ABCA5: variants seen among roughly 807,000 people sequenced by gnomAD.
The protein encoded by ABCA5 is ATP binding cassette subfamily A member 5.
ABCA5 carries 163 observed loss-of-function variants against 206.0 expected under a neutral mutation model. The ratio of observed to expected loss-of-function variants is 0.79; its 90% CI spans 0.70 to 0.90. The LOEUF is 0.90. Ranked by LOEUF, ABCA5 falls within the 40% of genes least tolerant of loss-of-function variation. The pLI is 0.00. For synonymous variants in ABCA5, 609 were observed against 613.8 expected (o/e 0.99, Z 0.11); for missense variants, 1,859 against 1,912.9 (o/e 0.97, Z 0.53).
In ABCA5 at chr17:69,244,814, T is replaced by C. The variant is rs1324461442; in HGVS notation, c.*2723A>G. Reference sequence around the variant, plus strand: ...CAACACTTATCCTAAGTAAAATTAATTGTGCTCCTATAAAACGTTGTTAGT... The same window carrying C: ...CAACACTTATCCTAAGTAAAATTAACTGTGCTCCTATAAAACGTTGTTAGT... On this transcript the variant is annotated 3_prime_UTR_variant, in exon 39 of 39. Transcript: ENST00000392676. 2.6e-5 allele frequency: 4 copies of C among 151,126 alleles called. No homozygotes were observed. Among genetic ancestry groups the C allele is most frequent in the Non-Finnish European group, 4.4e-5 (3 of 67,652 alleles). The allele number at this position is 151,126 out of a possible 1,614,324, so 9.4% of individuals were successfully genotyped here.
At chr17:69,278,766 C>T (rs1387474738) in intron 18 of ABCA5, among the ~76,000 whole-genome samples, 5 of 152,122 alleles carry the variant, frequency 3.3e-5, no homozygotes, top group African/African-American at 1.2e-4. Context: ...AGCATATAAA[C>T]AGAGCCAAAG....
intron 18 of ABCA5, among the ~76,000 whole-genome samples, chr17:69,282,979 CCTTTT>C (rs932555277): frequency 2.1e-5 from 3 of 143,834 alleles, no homozygotes; most frequent in Non-Finnish European, 4.5e-5. Context: ...CTGTTCTTTC[CCTTTT>C]TTTTTTTTTT....
intron 19 of ABCA5, among the ~76,000 whole-genome samples, chr17:69,276,715 G>C (rs1014920519): frequency 2.6e-5 from 4 of 152,170 alleles, no homozygotes; most frequent in Non-Finnish European, 5.9e-5. Flanking sequence ...ATAGGTTGAT[G>C]AGTGTAGCAA....
intron 21 of ABCA5, 62 bp from the exon 22 acceptor site, chr17:69,270,812 T>TAC: frequency 2.1e-6 from 3 of 1,395,368 alleles, no homozygotes; most frequent in Non-Finnish European, 2.8e-6. Context: ...TATTGATATG[T>TAC]ACCAAGCTTT....
chr17:69,286,794 G>A (rs2075459416), intron 15 of ABCA5, among the ~76,000 whole-genome samples: 1 of 152,180 alleles, frequency 6.6e-6, no homozygotes, highest in Non-Finnish European at 1.5e-5. Flanking sequence ...TATATTATAA[G>A]CAGACAGAAG....
intron 1 of ABCA5, among the ~76,000 whole-genome samples, chr17:69,320,665 T>C (rs2145054015): frequency 6.6e-6 from 1 of 152,324 alleles, no homozygotes; most frequent in South Asian, 2.1e-4. Flanking sequence ...ACTTTAACGT[T>C]GATCTAAAAC....
chr17:69,286,077 A>G (rs879171531), intron 16 of ABCA5, 40 bp from the exon 17 acceptor site: 1 of 1,585,736 alleles, frequency 6.3e-7, no homozygotes, highest in Admixed American at 1.9e-5. Flanking sequence ...ATTATACAAT[A>G]AACAGCCAAA....
intron 23 of ABCA5, among the ~76,000 whole-genome samples, chr17:69,267,031 C>T (rs773638170): frequency 3.3e-4 from 50 of 151,946 alleles, no homozygotes; most frequent in Admixed American, 1.4e-3. Flanking sequence ...TGCACCACCA[C>T]GCCCTAATTT....
At chr17:69,290,068 T>C (rs1244970084) in intron 12 of ABCA5, 31 bp from the exon 13 acceptor site, 2 of 1,377,026 alleles carry the variant, frequency 1.5e-6, no homozygotes, top group East Asian at 2.6e-5. Context: ...TAAATGTACA[T>C]TAATTATTTT....
intron 1 of ABCA5, chr17:69,315,521 A>T (rs2075807621): frequency 6.6e-6 from 1 of 152,464 alleles, no homozygotes; most frequent in Non-Finnish European, 1.5e-5. Context: ...GCGGTGGCTC[A>T]CGCCTGTAAT....
Position 69,254,404 on chromosome 17 carries a change from C to T in ABCA5, c.4155G>A (p.Leu1385=). 6.2e-7 allele frequency: 1 copy of T among 1,613,772 alleles called. No homozygotes were observed. Among genetic ancestry groups the T allele is most frequent in the Non-Finnish European group, 8.5e-7 (1 of 1,179,824 alleles). ...GTTCCTGCAATGTAGTATCTGGCCACAAAGGGTTTATCTGAGGACAGTAAC... is the reference window on the plus strand; with the variant it reads ...GTTCCTGCAATGTAGTATCTGGCCATAAAGGGTTTATCTGAGGACAGTAAC... The part of the protein sequence containing the change: ...CMGYCPQINP[L]WPDTTLQEHF... The change falls in exon 32 of 39, where the codon TTG becomes TTA. Residue 1385 remains leucine (L), a synonymous_variant. Coordinates refer to ENST00000392676, the MANE Select transcript of ABCA5 (RefSeq NM_172232.4).
chr17:69,284,069 A>G lies in ABCA5; in HGVS notation c.2276T>C (p.Leu759Ser), dbSNP rs764739420. 1.3e-6 allele frequency: 2 copies of G among 1,561,258 alleles called. No homozygotes were observed. Among genetic ancestry groups the G allele is most frequent in the South Asian group, 2.5e-5 (2 of 81,132 alleles). The change falls in exon 18 of 39, where the codon TTG becomes TCG. Residue 759 changes from leucine (L) to serine (S), a missense_variant. By Grantham distance (145) the Leu-to-Ser change is moderately radical. Transcript: ENST00000392676. ...PFKDMDKFSG[L>S]FSALDSHSNL... ...TGAATGACTGTCTAGGGCAGAAAAC[A>G]AACCTAAAAGAAAAAAATGAAAGAA... is the stretch of plus-strand genomic sequence containing the variant.
At chr17:69,291,473 A>T in intron 11 of ABCA5, 147 bp from the exon 12 acceptor site, 1 of 470,920 alleles carries the variant, frequency 2.1e-6, no homozygotes, top group Non-Finnish European at 3.7e-6. Context: ...CAGGTAAAAC[A>T]GCTTCTTTGT....
At position 69,261,269 on chromosome 17, in the gene ABCA5, A is replaced by T. The variant is rs1379487317; in HGVS notation, c.3430-10T>A. ...TACAAGCCAACGCTGCCTAAAGAAA[A>T]AAATAAATAAATAAAAGTGACAAAG... On this transcript the variant is annotated splice_polypyrimidine_tract_variant and intron_variant, in intron 25 of 38. Transcript: ENST00000392676. 44 of 1,581,104 alleles carry T rather than the reference A, an allele frequency of 2.8e-5. No individual in the cohort carries two copies. The highest frequency in any genetic ancestry group is 3.5e-5 in the Non-Finnish European group (41 of 1,167,052).
At chr17:69,317,956 A>G (rs889889240) in intron 1 of ABCA5, 1 of 152,214 alleles carries the variant, frequency 6.6e-6, no homozygotes, top group African/African-American at 2.4e-5. Flanking sequence ...AAATAACAAC[A>G]ACAACAAAAA....
intron 14 of ABCA5, among the ~76,000 whole-genome samples, chr17:69,288,707 T>TA (rs56289033): frequency 3.7e-5 from 4 of 107,108 alleles, no homozygotes; most frequent in African/African-American, 1.5e-4. Context: ...CTCTACAAAT[T>TA]AAAAAAAAAA....
chr17:69,294,576 A>C, intron 11 of ABCA5, 79 bp downstream of exon 11: 4 of 1,234,114 alleles, frequency 3.2e-6, no homozygotes, highest in Admixed American at 2.2e-5. Context: ...GAGAAGTTTA[A>C]ATTTCCCACA....
intron 18 of ABCA5, among the ~76,000 whole-genome samples, chr17:69,283,196 C>T (rs1261865680): frequency 6.6e-6 from 1 of 151,924 alleles, no homozygotes; most frequent in Admixed American, 6.6e-5. Context: ...GTTGCCAAGA[C>T]TGGTCTGGAA....
At chr17:69,276,536 C>T (rs2075334051) in intron 19 of ABCA5, among the ~76,000 whole-genome samples, 1 of 152,136 alleles carries the variant, frequency 6.6e-6, no homozygotes, top group Admixed American at 6.5e-5. Flanking sequence ...CCATCATTCT[C>T]AGCAAACTAA....
Sources: allele counts gnomAD v4.1 joint callset (sites outside exome capture counted in the v4.1 genomes callset), GRCh38; gene constraint gnomAD v4.1.1; transcripts MANE v1.5; gene names NCBI Gene and HGNC (gene_info 2026-07-23, HGNC 2026-07-21).